Variants in BCL2 observed in about 807,000 individuals in gnomAD.
BCL2 encodes the protein BCL2 apoptosis regulator, also known as apoptosis regulator Bcl-2.
A neutral mutation model predicts 14.2 loss-of-function variants in BCL2; 1 was observed. The ratio of observed to expected loss-of-function variants is 0.07; its 90% confidence interval spans 0.02 to 0.33. BCL2 has a LOEUF of 0.33. Ranked by LOEUF, BCL2 falls within the 10% of genes least tolerant of loss-of-function variation. The pLI, the probability that BCL2 is intolerant of heterozygous loss-of-function variation, is 0.99. For synonymous variants in BCL2, 151 were observed against 137.2 expected (o/e 1.10, Z -0.70); for missense variants, 247 against 305.9 (o/e 0.81, Z 1.44).
intron 2 of BCL2, among the ~76,000 whole-genome samples, chr18:63,182,515 T>G (rs535039663): frequency 3.9e-5 from 6 of 152,194 alleles, no homozygotes; most frequent in Admixed American, 3.3e-4. Context: ...GAAGGGACTG[T>G]GGAAAAACAT....
At chr18:63,175,867 G>T (rs1915337909) in intron 2 of BCL2, among the ~76,000 whole-genome samples, 2 of 152,152 alleles carry the variant, frequency 1.3e-5, no homozygotes, top group Non-Finnish European at 1.5e-5. Flanking sequence ...TTTCTACGGG[G>T]CTCACACCTC....
rs145482018 is a variant in BCL2 at position 63,262,274 on chromosome 18, A to G, written c.585+55808T>C. Among the ~76,000 whole-genome samples, 360 of 152,350 alleles carry G rather than the reference A, an allele frequency of 2.4e-3. 2 individuals are homozygous for G. The highest frequency in any genetic ancestry group is 3.9e-3 in the Non-Finnish European group (266 of 68,034). ...AAGTACATTCATTGTACAAGTACAG[A>G]ATCCAGGAAAATCATCAGAAGAGCT... On this transcript the variant is annotated intron_variant, in intron 2 of 2. Transcript: ENST00000333681.
intron 2 of BCL2, among the ~76,000 whole-genome samples, chr18:63,278,569 C>T (rs1485402855): frequency 6.6e-6 from 1 of 152,184 alleles, no homozygotes; most frequent in Non-Finnish European, 1.5e-5. Flanking sequence ...ATACCCCTGT[C>T]TCTGATGTTT....
At chr18:63,186,024 G>A (rs930048457) in intron 2 of BCL2, among the ~76,000 whole-genome samples, 1 of 152,154 alleles carries the variant, frequency 6.6e-6, no homozygotes, top group African/African-American at 2.4e-5. Flanking sequence ...TGTTTGATAT[G>A]GTTTCTGCTG....
intron 2 of BCL2, among the ~76,000 whole-genome samples, chr18:63,308,069 C>G (rs1913194239): frequency 6.6e-6 from 1 of 152,170 alleles, no homozygotes; most frequent in South Asian, 2.1e-4. Flanking sequence ...TTGTTAAAAC[C>G]ACAGATAGGC....
chr18:63,209,686 CA>C (rs1269630374), intron 2 of BCL2, among the ~76,000 whole-genome samples: 1 of 152,018 alleles, frequency 6.6e-6, no homozygotes, highest in Non-Finnish European at 1.5e-5. Flanking sequence ...GAACAACCTG[CA>C]TTAAAATTGG....
chr18:63,153,566 TAAAG>T (rs1914702737), intron 2 of BCL2, among the ~76,000 whole-genome samples: 5 of 149,100 alleles, frequency 3.4e-5, no homozygotes, highest in Admixed American at 3.3e-4. Flanking sequence ...GGTAAGTTCT[TAAAG>T]AAAAAATTCA....
intron 2 of BCL2, among the ~76,000 whole-genome samples, chr18:63,182,732 C>T (rs1294456130): frequency 2.0e-5 from 3 of 152,228 alleles, no homozygotes; most frequent in Non-Finnish European, 2.9e-5. Context: ...CACACACAAA[C>T]ATGCATACCA....
chr18:63,216,972 T>A (rs971770203), intron 2 of BCL2, among the ~76,000 whole-genome samples: 2 of 152,188 alleles, frequency 1.3e-5, no homozygotes, highest in Non-Finnish European at 2.9e-5. Flanking sequence ...GATGGTGGCA[T>A]CACGTTGAAG....
intron 2 of BCL2, among the ~76,000 whole-genome samples, chr18:63,255,832 C>A (rs539532326): frequency 1.1e-4 from 17 of 151,746 alleles, no homozygotes; most frequent in Non-Finnish European, 1.9e-4. Flanking sequence ...AGCCCTCCCC[C>A]CCCGCCACAC....
At chr18:63,319,024 A>G in intron 1 of BCL2, 72 bp from the exon 2 acceptor site, 1 of 1,157,426 alleles carries the variant, frequency 8.6e-7, no homozygotes, top group Non-Finnish European at 1.1e-6. Context: ...ACTGAGTGAA[A>G]GCAGGGCATA....
At chr18:63,269,398 A>C (rs542874780) in intron 2 of BCL2, among the ~76,000 whole-genome samples, 15 of 152,286 alleles carry the variant, frequency 9.8e-5, no homozygotes, top group African/African-American at 3.6e-4. Flanking sequence ...AAATATGGAC[A>C]AGGAAACCTA....
rs148200384 is a variant in BCL2 at position 63,248,483 on chromosome 18, C to T, written c.585+69599G>A. ...GGTCAAATAACTATGTACTCAAAAA[C>T]GAAGTCCAAAGAGTCCATTTTGTAA... is the stretch of plus-strand genomic sequence containing the variant. On this transcript the variant is annotated intron_variant, in intron 2 of 2. Transcript: ENST00000333681. Among the ~76,000 whole-genome samples, 66 of 152,284 alleles carry T rather than the reference C, an allele frequency of 4.3e-4. 1 individual carries two copies. The highest frequency in any genetic ancestry group is 1.9e-3 in the Admixed American group (29 of 15,296).
At chr18:63,148,916 A>G (rs1914578174) in intron 2 of BCL2, among the ~76,000 whole-genome samples, 1 of 152,182 alleles carries the variant, frequency 6.6e-6, no homozygotes, top group Non-Finnish European at 1.5e-5. Context: ...CACCTAGTTA[A>G]TCAATTATGA....
intron 2 of BCL2, among the ~76,000 whole-genome samples, chr18:63,133,347 G>A: frequency 1.4e-5 from 1 of 74,034 alleles, no homozygotes; most frequent in Non-Finnish European, 3.2e-5. Context: ...TTTTGAGATG[G>A]AGCCACTGTC....
At chr18:63,299,933 T>C (rs1912912062) in intron 2 of BCL2, among the ~76,000 whole-genome samples, 1 of 152,066 alleles carries the variant, frequency 6.6e-6, no homozygotes, top group South Asian at 2.1e-4. Context: ...ATAGATCTGT[T>C]TGTGTGTCTG....
chr18:63,193,121 A>G (rs1490957718), intron 2 of BCL2, among the ~76,000 whole-genome samples: 1 of 152,220 alleles, frequency 6.6e-6, no homozygotes, highest in Non-Finnish European at 1.5e-5. Context: ...TGTGGTCATC[A>G]AATTGCTAAT....
rs1028879411 is a variant in BCL2, at chr18:63,283,964, C to T, written c.585+34118G>A. On this transcript the variant is annotated intron_variant, in intron 2 of 2. Transcript: ENST00000333681. ...TTCCAATGGAAAATCTGACTGGAGA[C>T]TCCACAGCGACAGCAAAGAACCCTT... 2.0e-5 allele frequency among the ~76,000 whole-genome samples: 3 copies of T among 152,156 alleles called. No homozygotes were observed. In the South Asian group the frequency reaches 6.2e-4, roughly 31 times the overall value.
At chr18:63,205,782 C>G (rs770775557) in intron 2 of BCL2, among the ~76,000 whole-genome samples, 15 of 152,150 alleles carry the variant, frequency 9.9e-5, no homozygotes, top group African/African-American at 3.4e-4. Flanking sequence ...GCTCCCACCC[C>G]CTGCTTGCAA....
Sources: allele counts gnomAD v4.1 joint callset (sites outside exome capture counted in the v4.1 genomes callset), GRCh38; gene constraint gnomAD v4.1.1; transcripts MANE v1.5; gene names NCBI Gene and HGNC (gene_info 2026-07-23, HGNC 2026-07-21).